The following TRAF3IP3 variants were observed in gnomAD, a reference collection of about 807,000 sequenced individuals.
TRAF3IP3 encodes the protein TRAF3 interacting protein 3, also known as TRAF3-interacting JNK-activating modulator.
Under a neutral mutation model 86.5 loss-of-function variants are expected in TRAF3IP3, and 64 were observed. That is an observed-to-expected ratio of 0.74 (90% CI 0.60 to 0.91). The LOEUF is 0.91. TRAF3IP3 is among the 40% of genes least tolerant of loss of function. The pLI, the probability that TRAF3IP3 is intolerant of heterozygous loss-of-function variation, is 0.00. For synonymous variants in TRAF3IP3, 220 were observed against 243.9 expected, an observed-to-expected ratio of 0.90 and a Z score of 0.91; for missense variants, 579 against 642.9, an observed-to-expected ratio of 0.90 and a Z score of 1.07.
intron 12 of TRAF3IP3, 91 bp from the exon 13 acceptor site, chr1:209,778,020 A>G (rs1443941633): frequency 9.7e-6 from 11 of 1,137,128 alleles, no homozygotes; most frequent in Middle Eastern, 3.9e-4. Context: ...AGACCATGAC[A>G]AGACAGCATC....
At chr1:209,769,244 C>T (rs560338926) in intron 8 of TRAF3IP3, among the ~76,000 whole-genome samples, 3 of 108,380 alleles carry the variant, frequency 2.8e-5, no homozygotes, top group African/African-American at 1.4e-4. Context: ...ATGTGTGGAA[C>T]CGAAGATGTG....
rs141127400 is a variant in TRAF3IP3, at chr1:209,777,822, G to A, written c.1190-289G>A. The A allele has an allele frequency of 1.4e-3, 744 of 530,116 alleles. 3 individuals carry two copies. The highest frequency in any genetic ancestry group is 0.013 in the African/African-American group (693 of 52,060). The allele number at this position is 530,116 out of a possible 1,614,324, so 32.8% of individuals were successfully genotyped here. On this transcript the variant is annotated intron_variant, in intron 12 of 16. Transcript: ENST00000367025. The stretch of plus-strand genomic sequence containing the variant: ...AAGGGAAAGGTCAGTTGAAACACAA[G>A]GCATAGAGAAAGTCTCTCAGTCACA...
intron 11 of TRAF3IP3, chr1:209,776,416 A>C (rs1322308253): frequency 1.3e-5 from 2 of 152,186 alleles, no homozygotes; most frequent in African/African-American, 2.4e-5. Context: ...TTGAGGATCC[A>C]CCTCAAAAGC....
intron 1 of TRAF3IP3, among the ~76,000 whole-genome samples, chr1:209,757,784 C>T (rs4844894): frequency 0.04 from 6,145 of 152,274 alleles, 589 homozygotes; most frequent in East Asian, 0.3. Flanking sequence ...AATAGGAATA[C>T]TTTATGTCTT....
intron 12 of TRAF3IP3, chr1:209,777,705 G>A: frequency 1.9e-6 from 1 of 528,944 alleles, no homozygotes; most frequent in Non-Finnish European, 3.3e-6. Context: ...GTATCTTGTT[G>A]TCTGAGCTCT....
intron 1 of TRAF3IP3, chr1:209,758,625 G>A (rs1033864742): frequency 6.6e-6 from 1 of 152,226 alleles, no homozygotes; most frequent in Non-Finnish European, 1.5e-5. Flanking sequence ...CTGCTAGTTG[G>A]TGAAGCTGAG....
At chr1:209,776,799 C>T (rs2102508485) in intron 11 of TRAF3IP3, 1 of 152,336 alleles carries the variant, frequency 6.6e-6, no homozygotes, top group East Asian at 1.9e-4. Context: ...TACATTTCCC[C>T]TAGAATGGCA....
chr1:209,757,649 G>T (rs1025103817), intron 1 of TRAF3IP3, among the ~76,000 whole-genome samples: 1 of 152,202 alleles, frequency 6.6e-6, no homozygotes, highest in Non-Finnish European at 1.5e-5. Context: ...GAGAGGATGA[G>T]AGAAGGCATT....
At chr1:209,779,128 C>T (rs980949375) in intron 13 of TRAF3IP3, 187 bp from the exon 14 acceptor site, 2 of 600,644 alleles carry the variant, frequency 3.3e-6, no homozygotes, top group Admixed American at 3.0e-5. Context: ...AAGAATCTAT[C>T]TCCAAATAAG....
chr1:209,762,727 C>T, intron 4 of TRAF3IP3, 65 bp downstream of exon 4: 1 of 1,559,878 alleles, frequency 6.4e-7, no homozygotes, highest in South Asian at 1.1e-5. Context: ...TGTCCCAGCT[C>T]ACTGGCAATG....
chr1:209,771,186 T>C (rs1349631015), intron 8 of TRAF3IP3, among the ~76,000 whole-genome samples: 1 of 131,380 alleles, frequency 7.6e-6, no homozygotes, highest in African/African-American at 2.9e-5. Context: ...TGCGTGCGCA[T>C]GTGGAGGTGT....
intron 8 of TRAF3IP3, among the ~76,000 whole-genome samples, chr1:209,767,642 C>A (rs1439512265): frequency 6.6e-6 from 1 of 151,460 alleles, no homozygotes; most frequent in Non-Finnish European, 1.5e-5. Context: ...CCACTGTACT[C>A]CTGCATGGGG....
At position 209,760,329 on chromosome 1, in the gene TRAF3IP3, C is replaced by G. The variant is rs2077224399; in HGVS notation, c.290C>G (p.Thr97Ser). ...CCCTCCAGGCGGCCAGGACAGGTGACTGTCCTCAAGGAACCCTTGTCTTGT... is the reference window on the plus strand; with the variant it reads ...CCCTCCAGGCGGCCAGGACAGGTGAGTGTCCTCAAGGAACCCTTGTCTTGT... ...QGPSRRPGQV[T>S]VLKEPLSCAR... The change falls in exon 3 of 17, where the codon ACT (threonine) becomes AGT (serine). Residue 97 changes from threonine (T) to serine (S), a missense_variant. By Grantham distance (58) the Thr-to-Ser change is moderately conservative (BLOSUM62 1). Coordinates refer to ENST00000367025, the MANE Select transcript of TRAF3IP3 (RefSeq NM_025228.4). 4 of 1,613,518 alleles carry G rather than the reference C, an allele frequency of 2.5e-6. No individual in the cohort carries two copies. Among genetic ancestry groups the G allele is most frequent in the Non-Finnish European group, 3.4e-6 (4 of 1,179,800 alleles).
chr1:209,771,916 GAGGTGTGCGTGTGCATATGC>G (rs2077547368), intron 8 of TRAF3IP3, among the ~76,000 whole-genome samples: 1 of 134,472 alleles, frequency 7.4e-6, no homozygotes, highest in Non-Finnish European at 1.6e-5. Flanking sequence ...TGTGTATATG[GAGGTGTGCGTGTGCATATGC>G]AGGTGTGCGT....
At chr1:209,775,126 A>G (rs766979239) in intron 9 of TRAF3IP3, among the ~76,000 whole-genome samples, 1 of 152,208 alleles carries the variant, frequency 6.6e-6, no homozygotes, top group Non-Finnish European at 1.5e-5. Context: ...GGCCTCAGAT[A>G]TAATGCCCAG....
At chr1:209,778,365 T>C in intron 13 of TRAF3IP3, 192 bp downstream of exon 13, 1 of 503,440 alleles carries the variant, frequency 2.0e-6, no homozygotes, top group South Asian at 3.3e-5. Context: ...GCCTCTGTTC[T>C]TTTTTTTCTA....
intron 9 of TRAF3IP3, among the ~76,000 whole-genome samples, chr1:209,773,350 A>G (rs1571950605): frequency 6.6e-6 from 1 of 152,242 alleles, no homozygotes; most frequent in East Asian, 1.9e-4. Context: ...CATCACCCAG[A>G]CAGCCCTTTA....
intron 13 of TRAF3IP3, chr1:209,778,678 T>C (rs187835040): frequency 1.3e-5 from 2 of 154,776 alleles, no homozygotes; most frequent in African/African-American, 4.8e-5. Flanking sequence ...CCCACCACTT[T>C]AACCTCTGAC....
rs1019796451 is a variant in TRAF3IP3 at position 209,760,063 on chromosome 1, C to T, written c.24C>T (p.Pro8=). Residue 8 remains proline (P), a synonymous_variant, in exon 3 of 17, where the codon CCC becomes CCT. Coordinates refer to ENST00000367025, the MANE Select transcript of TRAF3IP3 (RefSeq NM_025228.4). ...TCATGATCAGCCCAGACCCCAGGCC[C>T]TCCCCTGGCTTGGCCCGGTGGGCTG... MISPDPR[P]SPGLARWAES... is the part of the protein sequence containing the mutation. The T allele has an allele frequency of 5.0e-6, 8 of 1,613,830 alleles. No individual in the cohort carries two copies. Among genetic ancestry groups the T allele is most frequent in the Non-Finnish European group, 6.8e-6 (8 of 1,179,858 alleles).
Sources: gnomAD v4.1 joint callset for allele counts (sites outside exome capture counted in the v4.1 genomes callset) on GRCh38, gnomAD v4.1.1 for gene constraint, MANE v1.5 for transcripts, NCBI Gene and HGNC (gene_info 2026-07-23, HGNC 2026-07-21) for gene names.